The following CDC14B variants were observed in gnomAD, a reference collection of about 807,000 sequenced individuals.
CDC14B encodes dual specificity protein phosphatase CDC14B.
In CDC14B, 22 loss-of-function variants were observed where a neutral mutation model predicts 64.2. That is an observed-to-expected ratio of 0.34 (90% confidence interval 0.24 to 0.49). CDC14B has a LOEUF of 0.49. CDC14B is among the 20% of genes least tolerant of loss of function. CDC14B has a pLI of 0.99. For missense variants in CDC14B, 498 were observed against 629.9 expected (o/e 0.79, Z 2.24); for synonymous variants, 191 against 215.8 (o/e 0.89, Z 1.01).
chr9:96,543,398 T>A (rs547749186), intron 5 of CDC14B, among the ~76,000 whole-genome samples: 34 of 151,846 alleles, frequency 2.2e-4, no homozygotes, highest in Non-Finnish European at 4.6e-4. Flanking sequence ...CCTCCCGAAG[T>A]GTTGAGATTA....
At chr9:96,556,662 G>A (rs995280969) in intron 4 of CDC14B, among the ~76,000 whole-genome samples, 3 of 151,920 alleles carry the variant, frequency 2.0e-5, no homozygotes, top group Non-Finnish European at 4.4e-5. Flanking sequence ...TAGCAAACAC[G>A]TATCTACCAA....
chr9:96,493,006 C>G, exon 14 of CDC14B: 1 of 152,302 alleles, frequency 6.6e-6, no homozygotes. Flanking sequence ...AGCCTCCTTC[C>G]TTGTGCTGGT....
chr9:96,577,912 T>C (rs757860694), intron 1 of CDC14B, among the ~76,000 whole-genome samples: 4 of 152,212 alleles, frequency 2.6e-5, no homozygotes, highest in Admixed American at 6.5e-5. Flanking sequence ...TGGAATATTA[T>C]ATGGCAATGA....
intron 5 of CDC14B, among the ~76,000 whole-genome samples, chr9:96,543,358 T>C (rs1387383466): frequency 6.6e-6 from 1 of 151,808 alleles, no homozygotes. Flanking sequence ...AAAAAACTTC[T>C]AGCCTCAAGC....
At chr9:96,596,857 T>C (rs1322718040) in intron 1 of CDC14B, among the ~76,000 whole-genome samples, 2 of 148,982 alleles carry the variant, frequency 1.3e-5, no homozygotes, top group Admixed American at 6.7e-5. Flanking sequence ...AGACCTTCTC[T>C]ATCTTTAAAA....
rs1158751171 is a variant in CDC14B, at chr9:96,514,407, T to C, written c.1344-4618A>G. On this transcript the variant is annotated intron_variant, in intron 12 of 13. Transcript: ENST00000375241. The stretch of plus-strand genomic sequence containing the variant: ...AAGAAGAAAACACCCAAAAGGTTAA[T>C]CTATCTCAGAAATACAGCAGGTCTG... 6 of 984,856 alleles carry C rather than the reference T, an allele frequency of 6.1e-6. No individual in the cohort carries two copies. The Admixed American group carries it at 1.8e-4, about 30-fold the overall frequency. 61.0% of individuals were successfully genotyped at this position (984,856 alleles called of 1,614,324 possible).
chr9:96,546,880 G>C (rs1840971863), intron 5 of CDC14B, among the ~76,000 whole-genome samples: 1 of 151,858 alleles, frequency 6.6e-6, no homozygotes, highest in African/African-American at 2.4e-5. Context: ...GGCTAACACA[G>C]TGAAACCCCG....
intron 5 of CDC14B, among the ~76,000 whole-genome samples, chr9:96,549,226 A>AG (rs1841438331): frequency 6.6e-6 from 1 of 152,198 alleles, no homozygotes; most frequent in Admixed American, 6.6e-5. Context: ...GAAAAATGAA[A>AG]GGGGAAAAAA....
chr9:96,587,040 G>C (rs1388245084), intron 1 of CDC14B, among the ~76,000 whole-genome samples: 13 of 152,116 alleles, frequency 8.5e-5, no homozygotes, highest in African/African-American at 3.1e-4. Context: ...GGGCGTGTTG[G>C]CGTGTGCCTG....
At chr9:96,511,100 T>C (rs1834848949) in intron 12 of CDC14B, among the ~76,000 whole-genome samples, 2 of 152,128 alleles carry the variant, frequency 1.3e-5, no homozygotes, top group South Asian at 4.1e-4. Context: ...AGTAAAAAGT[T>C]GAACCATTAC....
chr9:96,613,309 T>C (rs1441706261), intron 1 of CDC14B, among the ~76,000 whole-genome samples: 1 of 152,206 alleles, frequency 6.6e-6, no homozygotes, highest in African/African-American at 2.4e-5. Flanking sequence ...ATCCACAGTG[T>C]GGTTTCAGTC....
At chr9:96,583,276 G>C (rs917110132) in intron 1 of CDC14B, among the ~76,000 whole-genome samples, 18 of 151,950 alleles carry the variant, frequency 1.2e-4, no homozygotes, top group Non-Finnish European at 1.5e-4. Context: ...GAACAGATAA[G>C]AGGAATCTAA....
At chr9:96,610,965 G>A (rs1322473161) in intron 1 of CDC14B, among the ~76,000 whole-genome samples, 1 of 151,990 alleles carries the variant, frequency 6.6e-6, no homozygotes, top group Non-Finnish European at 1.5e-5. Context: ...CCAGCAAACA[G>A]GAAAGGACGG....
intron 1 of CDC14B, among the ~76,000 whole-genome samples, chr9:96,572,001 G>A (rs1002613292): frequency 1.3e-5 from 2 of 152,204 alleles, no homozygotes; most frequent in Admixed American, 1.3e-4. Context: ...GACAAGCAAT[G>A]AAATCTCCAC....
chr9:96,568,602 G>A (rs1048368691), intron 1 of CDC14B, among the ~76,000 whole-genome samples: 1 of 152,178 alleles, frequency 6.6e-6, no homozygotes, highest in African/African-American at 2.4e-5. Flanking sequence ...GGGAAGTTTG[G>A]GAGAAATGTT....
chr9:96,552,816 G>A (rs1412631805), intron 4 of CDC14B, among the ~76,000 whole-genome samples: 1 of 152,076 alleles, frequency 6.6e-6, no homozygotes, highest in African/African-American at 2.4e-5. Flanking sequence ...GGGGAGGCGG[G>A]AGCGGTGGGA....
chr9:96,601,495 C>CAA (rs901136057), intron 1 of CDC14B, among the ~76,000 whole-genome samples: 1 of 142,790 alleles, frequency 7.0e-6, no homozygotes. Context: ...GACTCCATCT[C>CAA]AAAAAAAAAA....
At chr9:96,525,840 T>G (rs775535166) in intron 9 of CDC14B, among the ~76,000 whole-genome samples, 2 of 152,084 alleles carry the variant, frequency 1.3e-5, no homozygotes, top group African/African-American at 4.8e-5. Context: ...CCGGAATGAA[T>G]TGAGATGTTC....
At chr9:96,600,671 T>A (rs540244077) in intron 1 of CDC14B, among the ~76,000 whole-genome samples, 100 of 152,146 alleles carry the variant, frequency 6.6e-4, no homozygotes, top group Middle Eastern at 3.4e-3. Context: ...CCCGGCTAAT[T>A]TTTGTATTTT....
Sources: gnomAD v4.1 joint callset for allele counts (sites outside exome capture counted in the v4.1 genomes callset) on GRCh38, gnomAD v4.1.1 for gene constraint, MANE v1.5 for transcripts, NCBI Gene and HGNC (gene_info 2026-07-23, HGNC 2026-07-21) for gene names.